The following UBAP2 variants were observed in gnomAD, a reference collection of about 807,000 sequenced individuals.
UBAP2 encodes ubiquitin associated protein 2, also known as ubiquitin-associated protein 2.
UBAP2 carries 75 observed loss-of-function variants against 139.6 expected under a neutral mutation model. The observed-to-expected ratio is 0.54, with a 90% CI of 0.45 to 0.65. The LOEUF (loss-of-function observed/expected upper bound fraction) is 0.65. UBAP2 is among the 30% of genes least tolerant of loss of function. UBAP2 has a pLI of 0.00. For missense variants in UBAP2, 1,368 were observed against 1,369.6 expected, an observed-to-expected ratio of 1.00 and a Z score of 0.02; for synonymous variants, 526 against 526.2, an observed-to-expected ratio of 1.00 and a Z score of 0.01.
intron 1 of UBAP2, among the ~76,000 whole-genome samples, chr9:34,018,451 T>TAA (rs914044633): frequency 2.1e-5 from 3 of 145,580 alleles, no homozygotes; most frequent in Non-Finnish European, 3.0e-5. Context: ...GGTGGTTCCT[T>TAA]AAAAAAAAAA....
chr9:33,932,442 T>G (rs307647), intron 19 of UBAP2, 120 bp downstream of exon 19: 210,204 of 1,153,702 alleles, frequency 0.18, 20,887 homozygotes, highest in South Asian at 0.35. Context: ...TCAAGACATT[T>G]CAGCCAAGCA....
At chr9:33,961,854 A>C (rs569115182) in intron 9 of UBAP2, among the ~76,000 whole-genome samples, 16 of 152,226 alleles carry the variant, frequency 1.1e-4, no homozygotes, top group Non-Finnish European at 2.1e-4. Context: ...TGACCTCCTC[A>C]TAAGTAAAAT....
chr9:34,031,323 G>A (rs546603513), intron 1 of UBAP2, among the ~76,000 whole-genome samples: 8 of 150,326 alleles, frequency 5.3e-5, no homozygotes, highest in East Asian at 2.0e-4. Context: ...GCAAAACCCC[G>A]TCTCTACTGA....
chr9:34,042,320 T>C (rs1392897858), intron 1 of UBAP2, among the ~76,000 whole-genome samples: 3 of 149,824 alleles, frequency 2.0e-5, no homozygotes, highest in African/African-American at 4.9e-5. Flanking sequence ...CTACCAAAAA[T>C]ACAAAAAATT....
Position 33,963,791 on chromosome 9 carries a change from T to A in UBAP2, c.680A>T (p.Glu227Val). ...TATGTTGTGAGTATTTGATGCCAGT[T>A]CTGTGGACCAATGTAAAATTGAGGG... ...AAQNGADEGT[E>V]LASNTHNIAQ... Residue 227 changes from glutamate (E) to valine (V), a missense_variant and splice_region_variant, in exon 9 of 29, where the codon GAA becomes GTA. Coordinates refer to ENST00000379238, the MANE Select transcript of UBAP2 (RefSeq NM_001370062.2). 6.2e-7 allele frequency: 1 copy of A among 1,610,318 alleles called. No homozygotes were observed. Among genetic ancestry groups the A allele is most frequent in the Non-Finnish European group, 8.5e-7 (1 of 1,176,808 alleles).
rs1821260190 is a variant in UBAP2, at chr9:33,986,842, G to T, written c.443-5C>A. 1 of 1,613,470 alleles carries T rather than the reference G, an allele frequency of 6.2e-7. No individual in the cohort carries two copies. ...TTCCATTTTCTTCACCTCTAACTAG[G>T]GGGAAAAGAGCAGAAAAATCAAATT... is the stretch of plus-strand genomic sequence containing the variant. On this transcript the variant is annotated splice_region_variant and splice_polypyrimidine_tract_variant and intron_variant, in intron 5 of 28. Coordinates refer to ENST00000379238, the MANE Select transcript of UBAP2 (RefSeq NM_001370062.2).
chr9:33,964,129 CT>C (rs1191551436), intron 8 of UBAP2, among the ~76,000 whole-genome samples: 2 of 152,224 alleles, frequency 1.3e-5, no homozygotes, highest in Admixed American at 1.3e-4. Context: ...ATACACAAGT[CT>C]TTCTAGTTTG....
chr9:33,927,126 G>T, intron 20 of UBAP2, 46 bp from the exon 21 acceptor site: 1 of 1,463,416 alleles, frequency 6.8e-7, no homozygotes, highest in East Asian at 2.3e-5. Context: ...TCACCACAAA[G>T]AGTGAGAGTC....
rs962197925 is a variant in UBAP2 at position 33,927,095 on chromosome 9, A to G, written c.2372-15T>C. 3 of 1,595,154 alleles carry G rather than the reference A, an allele frequency of 1.9e-6. No homozygotes were observed. Among genetic ancestry groups the G allele is most frequent in the Non-Finnish European group, 2.6e-6 (3 of 1,168,602 alleles). On this transcript the variant is annotated splice_polypyrimidine_tract_variant and intron_variant, in intron 20 of 28. Transcript: ENST00000379238. ...GGGTGCTTTGCCTGTATAGAGGGAA[A>G]AATCAAATGGAGTGAAATGGTCACC...
chr9:34,029,018 A>G (rs1490860348), intron 1 of UBAP2, among the ~76,000 whole-genome samples: 1 of 152,062 alleles, frequency 6.6e-6, no homozygotes, highest in Non-Finnish European at 1.5e-5. Flanking sequence ...CAGGAGGTTG[A>G]GGTGGTAGGA....
chr9:33,999,080 A>T (rs1434407698), intron 2 of UBAP2, among the ~76,000 whole-genome samples: 1 of 152,222 alleles, frequency 6.6e-6, no homozygotes, highest in African/African-American at 2.4e-5. Flanking sequence ...TCCTTTGACC[A>T]AACGACCTAA....
intron 22 of UBAP2, 131 bp downstream of exon 22, chr9:33,926,486 A>G: frequency 1.0e-6 from 1 of 975,784 alleles, no homozygotes. Context: ...CAGCTTTCTC[A>G]GTAGTGGTGC....
At chr9:33,938,810 A>AC (rs894349312) in intron 16 of UBAP2, 1 of 414,814 alleles carries the variant, frequency 2.4e-6, no homozygotes, top group Non-Finnish European at 4.7e-6. Context: ...AAAAAAAAAA[A>AC]AAAGCTTGTC....
chr9:33,995,789 A>T (rs966330990), intron 4 of UBAP2: 3 of 142,014 alleles, frequency 2.1e-5, no homozygotes, highest in Non-Finnish European at 3.1e-5. Flanking sequence ...ACCCAATATT[A>T]AAAAAAAAAA....
chr9:33,924,416 G>A, intron 22 of UBAP2, 132 bp from the exon 23 acceptor site: 1 of 859,070 alleles, frequency 1.2e-6, no homozygotes, highest in East Asian at 2.6e-5. Flanking sequence ...CAGTCCCAGG[G>A]AACGCCAAGT....
At position 33,922,598 on chromosome 9, in the gene UBAP2, C is replaced by T. The variant is rs757038458; in HGVS notation, c.3266G>A (p.Ser1089Asn). Residue 1089 changes from serine to asparagine, a missense_variant and splice_region_variant, in exon 29 of 29, where the codon AGT (serine) becomes AAT (asparagine). Physicochemically the swap from Ser to Asn is conservative, Grantham distance 46. Transcript: ENST00000379238. ...GGGCTGGCTGCGCTGACCCGAGCCA[C>T]TCTGAGGAAGAGGAGAAGGGAAGGC... ...LHHHLPQDAQ[S>N]GSGQRSQPSS... The T allele has an allele frequency of 6.2e-7, 1 of 1,613,012 alleles. No individual in the cohort carries two copies. The highest frequency in any genetic ancestry group is 1.1e-5 in the South Asian group (1 of 90,948).
chr9:33,992,712 C>T (rs1390284186), intron 4 of UBAP2, among the ~76,000 whole-genome samples: 1 of 151,764 alleles, frequency 6.6e-6, no homozygotes, highest in African/African-American at 2.4e-5. Context: ...CTTTACAATA[C>T]CATAGTAACT....
chr9:33,992,077 C>A (rs911467406), intron 4 of UBAP2, among the ~76,000 whole-genome samples: 2 of 152,054 alleles, frequency 1.3e-5, no homozygotes, highest in Admixed American at 1.3e-4. Flanking sequence ...CATGGTGAAA[C>A]CCCATCTCTA....
chr9:33,957,015 A>G (rs573475531), intron 10 of UBAP2, among the ~76,000 whole-genome samples: 2 of 151,878 alleles, frequency 1.3e-5, no homozygotes, highest in African/African-American at 4.8e-5. Flanking sequence ...GCTTCAGTCC[A>G]GAGGTTGAGG....
Sources: gnomAD v4.1 joint callset for allele counts (sites outside exome capture counted in the v4.1 genomes callset) on GRCh38, gnomAD v4.1.1 for gene constraint, MANE v1.5 for transcripts, NCBI Gene and HGNC (gene_info 2026-07-23, HGNC 2026-07-21) for gene names.